The following ANO3 variants were observed in gnomAD, a reference collection of about 807,000 sequenced individuals.
ANO3 encodes the protein anoctamin-3.
ANO3 carries 99 observed loss-of-function variants against 144.8 expected under a neutral mutation model. That is an observed-to-expected ratio of 0.68 (90% CI 0.58 to 0.81). The LOEUF (loss-of-function observed/expected upper bound fraction) is 0.81. Among genes scored for constraint, ANO3 ranks in the 30% least tolerant of loss-of-function variants. The pLI is 0.00. For missense variants in ANO3, 905 were observed against 1,202.2 expected, an observed-to-expected ratio of 0.75 and a Z score of 3.66; for synonymous variants, 414 against 392.6, an observed-to-expected ratio of 1.05 and a Z score of -0.64.
intron 1 of ANO3, among the ~76,000 whole-genome samples, chr11:26,285,035 G>T (rs1019174685): frequency 6.6e-6 from 1 of 152,138 alleles, no homozygotes; most frequent in Non-Finnish European, 1.5e-5. Context: ...TGTTAAAACC[G>T]CCTTTACTTC....
intron 14 of ANO3, among the ~76,000 whole-genome samples, chr11:26,579,820 G>C (rs1851082837): frequency 6.6e-6 from 1 of 152,018 alleles, no homozygotes; most frequent in Non-Finnish European, 1.5e-5. Flanking sequence ...GACAAACCTG[G>C]GGCAGAGTCG....
intron 11 of ANO3, among the ~76,000 whole-genome samples, chr11:26,546,334 G>C (rs940326116): frequency 1.3e-5 from 2 of 151,834 alleles, no homozygotes; most frequent in Admixed American, 1.3e-4. Flanking sequence ...GATTATTCCA[G>C]GTCTGCACCC....
chr11:26,435,413 A>C (rs778773089), intron 1 of ANO3, among the ~76,000 whole-genome samples: 2 of 152,130 alleles, frequency 1.3e-5, no homozygotes, highest in South Asian at 2.1e-4. Context: ...TCTTGTGTAG[A>C]ATCTTTCAGG....
chr11:26,502,318 G>A (rs2134126259), intron 4 of ANO3, among the ~76,000 whole-genome samples: 1 of 152,106 alleles, frequency 6.6e-6, no homozygotes, highest in Non-Finnish European at 1.5e-5. Context: ...GTCTCATTTA[G>A]CCATAATAAT....
intron 4 of ANO3, among the ~76,000 whole-genome samples, chr11:26,502,023 A>C (rs1219831199): frequency 6.6e-6 from 1 of 152,082 alleles, no homozygotes; most frequent in African/African-American, 2.4e-5. Flanking sequence ...TTTTGTAGTG[A>C]ATTATATTTC....
At position 26,661,641 on chromosome 11, in the gene ANO3, GT is replaced by G. The variant is rs1292144985; in HGVS notation, c.*1201del. The G allele has an allele frequency of 6.6e-6, 1 of 151,946 alleles. No individual in the cohort carries two copies. Among genetic ancestry groups the G allele is most frequent in the African/African-American group, 2.4e-5 (1 of 41,376 alleles). 9.4% of individuals were successfully genotyped at this position (151,946 alleles called of 1,614,324 possible). On this transcript the variant is annotated 3_prime_UTR_variant, in exon 27 of 27. Coordinates refer to ENST00000256737, the MANE Select transcript of ANO3 (RefSeq NM_031418.4). The stretch of plus-strand genomic sequence containing the variant: ...GTTTTATGTTATTATTTCTTCCATA[GT>G]TTTGTTTTGGTTTATTTTTAACAAC...
At chr11:26,411,635 T>G (rs1274074990) in intron 1 of ANO3, among the ~76,000 whole-genome samples, 1 of 152,012 alleles carries the variant, frequency 6.6e-6, no homozygotes, top group Non-Finnish European at 1.5e-5. Context: ...CTAGCACATT[T>G]TTCTGCATGC....
chr11:26,235,012 G>GAGAGAGAGAGAGAGAGAC (rs771922780), intron 1 of ANO3, among the ~76,000 whole-genome samples: 1 of 151,794 alleles, frequency 6.6e-6, no homozygotes. Flanking sequence ...AAGAGAGAGA[G>GAGAGAGAGAGAGAGAGAC]AGAGAGAGAG....
At chr11:26,332,384 G>A (rs1353220437) in intron 1 of ANO3, 63 bp downstream of exon 1, 6 of 1,533,580 alleles carry the variant, frequency 3.9e-6, no homozygotes, top group Non-Finnish European at 9.0e-7. Context: ...TGCCCTTGCA[G>A]TTGTGTAGGA....
chr11:26,362,554 G>C (rs1403729178), intron 1 of ANO3, among the ~76,000 whole-genome samples: 1 of 152,106 alleles, frequency 6.6e-6, no homozygotes, highest in East Asian at 1.9e-4. Context: ...ACCCCAACCA[G>C]AGGAATCTCA....
At chr11:26,395,067 T>C (rs912585696) in intron 1 of ANO3, among the ~76,000 whole-genome samples, 1 of 152,142 alleles carries the variant, frequency 6.6e-6, no homozygotes, top group Non-Finnish European at 1.5e-5. Flanking sequence ...CAATCTTAAA[T>C]AAACTCAATA....
At chr11:26,197,493 C>T (rs778769426) in intron 1 of ANO3, among the ~76,000 whole-genome samples, 13 of 152,078 alleles carry the variant, frequency 8.5e-5, no homozygotes, top group African/African-American at 1.4e-4. Flanking sequence ...GGACTACAGG[C>T]GCATGCCACC....
intron 20 of ANO3, among the ~76,000 whole-genome samples, chr11:26,635,490 T>C: frequency 6.6e-6 from 1 of 152,198 alleles, no homozygotes; most frequent in Non-Finnish European, 1.5e-5. Flanking sequence ...TTTATTGATT[T>C]ACAATATGTA....
At chr11:26,564,413 T>C (rs1360709836) in intron 14 of ANO3, among the ~76,000 whole-genome samples, 1 of 123,190 alleles carries the variant, frequency 8.1e-6, no homozygotes, top group Non-Finnish European at 1.7e-5. Context: ...AAGTGAGTTC[T>C]TGGAGGAAAA....
intron 1 of ANO3, among the ~76,000 whole-genome samples, chr11:26,332,685 G>C (rs756052008): frequency 2.6e-5 from 4 of 152,088 alleles, no homozygotes; most frequent in Non-Finnish European, 4.4e-5. Context: ...GCCGTCTTCT[G>C]TGGTTCAAAT....
intron 1 of ANO3, among the ~76,000 whole-genome samples, chr11:26,399,773 T>C (rs1004733462): frequency 6.6e-6 from 1 of 151,984 alleles, no homozygotes; most frequent in African/African-American, 2.4e-5. Context: ...TTAAATGAGT[T>C]TAACCTGACA....
At position 26,660,489 on chromosome 11, in the gene ANO3, AATG is replaced by A; in HGVS notation, c.*49_*51del. ...AGGGGTGATAACATTAATGGGAAGA[AATG>A]ATGGCAACTTTGAATGCTAGGTGAA... On this transcript the variant is annotated 3_prime_UTR_variant, in exon 27 of 27. Transcript: ENST00000256737. 1 of 1,527,530 alleles carries A rather than the reference AATG, an allele frequency of 6.5e-7. No homozygotes were observed. The highest frequency in any genetic ancestry group is 8.8e-7 in the Non-Finnish European group (1 of 1,136,782). 94.6% of individuals were successfully genotyped at this position (1,527,530 alleles called of 1,614,324 possible).
At chr11:26,341,176 G>A (rs1206202144) in intron 1 of ANO3, among the ~76,000 whole-genome samples, 1 of 150,718 alleles carries the variant, frequency 6.6e-6, no homozygotes, top group Admixed American at 6.6e-5. Flanking sequence ...CAAAACAGCG[G>A]GCTTTGCTGT....
At chr11:26,215,206 G>C (rs1169692782) in intron 1 of ANO3, among the ~76,000 whole-genome samples, 1 of 151,928 alleles carries the variant, frequency 6.6e-6, no homozygotes, top group Non-Finnish European at 1.5e-5. Flanking sequence ...AAGGAATAGA[G>C]AGTTATGCTT....
Sources: allele counts gnomAD v4.1 joint callset (sites outside exome capture counted in the v4.1 genomes callset), GRCh38; gene constraint gnomAD v4.1.1; transcripts MANE v1.5; gene names NCBI Gene and HGNC (gene_info 2026-07-23, HGNC 2026-07-21).